The following ARHGAP15 variants were observed in gnomAD, a reference collection of about 807,000 sequenced individuals.
The protein encoded by ARHGAP15 is Rho GTPase activating protein 15.
In ARHGAP15, 51 loss-of-function variants were observed where a neutral mutation model predicts 63.7. The ratio of observed to expected loss-of-function variants is 0.80; its 90% CI spans 0.64 to 1.01. The LOEUF (loss-of-function observed/expected upper bound fraction) is 1.01, where lower values mean the gene tolerates loss of function less well. ARHGAP15 is among the 50% of genes least tolerant of loss of function. The pLI is 0.00. For synonymous variants in ARHGAP15, 191 were observed against 193.8 expected (o/e 0.99, Z 0.12); for missense variants, 560 against 564.6 (o/e 0.99, Z 0.08).
chr2:143,673,785 A>T (rs759576946), intron 12 of ARHGAP15, among the ~76,000 whole-genome samples: 66 of 19,738 alleles, frequency 3.3e-3, no homozygotes, highest in South Asian at 0.016. Flanking sequence ...TATATATATA[A>T]ACAACTCCTG....
chr2:143,628,592 A>C (rs1698935980), intron 12 of ARHGAP15, among the ~76,000 whole-genome samples: 1 of 152,000 alleles, frequency 6.6e-6, no homozygotes. Flanking sequence ...TTCAGCTTTG[A>C]CCAGACAGGG....
rs570162088 is a variant in ARHGAP15 at position 143,224,163 on chromosome 2, G to C, written c.297-4418G>C. On this transcript the variant is annotated intron_variant, in intron 4 of 13. Coordinates refer to ENST00000295095, the MANE Select transcript of ARHGAP15 (RefSeq NM_018460.4). ...AGCTCAGCGTGGGAAGCCCTCTGGA[G>C]AAAGCTCAGGTATTGGACACTAGAA... Among the ~76,000 whole-genome samples the C allele has an allele frequency of 3.9e-5, 6 of 152,238 alleles. No individual in the cohort carries two copies. The South Asian group carries it at 1.2e-3, about 32-fold the overall frequency.
At chr2:143,543,765 A>G (rs1267092349) in intron 10 of ARHGAP15, among the ~76,000 whole-genome samples, 1 of 152,152 alleles carries the variant, frequency 6.6e-6, no homozygotes, top group Non-Finnish European at 1.5e-5. Flanking sequence ...GGTTTGTATT[A>G]CACTAGTGCT....
intron 9 of ARHGAP15, among the ~76,000 whole-genome samples, chr2:143,488,445 T>C (rs534789970): frequency 6.6e-6 from 1 of 152,224 alleles, no homozygotes. Flanking sequence ...TTGATTCTTT[T>C]TAAAAACAAG....
chr2:143,131,199 C>T (rs1261276813), intron 1 of ARHGAP15, among the ~76,000 whole-genome samples: 1 of 151,980 alleles, frequency 6.6e-6, no homozygotes, highest in Non-Finnish European at 1.5e-5. Context: ...TTAGAAAGAT[C>T]AATGAGTAAA....
intron 11 of ARHGAP15, among the ~76,000 whole-genome samples, chr2:143,582,534 G>A (rs1259029963): frequency 6.6e-6 from 1 of 152,148 alleles, no homozygotes; most frequent in Non-Finnish European, 1.5e-5. Flanking sequence ...GCATGAGGTG[G>A]CAGAGCAAAC....
intron 2 of ARHGAP15, among the ~76,000 whole-genome samples, chr2:143,162,853 A>T (rs2105026111): frequency 6.6e-6 from 1 of 152,134 alleles, no homozygotes; most frequent in South Asian, 2.1e-4. Flanking sequence ...TTACATATTT[A>T]CCAGATGTTA....
intron 6 of ARHGAP15, among the ~76,000 whole-genome samples, chr2:143,430,738 T>C (rs1689348943): frequency 6.6e-6 from 1 of 152,060 alleles, no homozygotes; most frequent in Non-Finnish European, 1.5e-5. Flanking sequence ...TTAACTCAAA[T>C]ATAAAAATTA....
rs550490696 is a variant in ARHGAP15 at position 143,247,881 on chromosome 2, A to G, written c.385-2630A>G. Among the ~76,000 whole-genome samples the G allele has an allele frequency of 6.6e-5, 10 of 152,342 alleles. No individual in the cohort carries two copies. In the East Asian group the frequency reaches 1.9e-3, roughly 29 times the overall value. On this transcript the variant is annotated intron_variant, in intron 5 of 13. Transcript: ENST00000295095. ...AAATACAAATCTTAATTGCTATAAAATTGGGAATTTTAAGACACTAAAGTC... is the reference window on the plus strand; with the variant it reads ...AAATACAAATCTTAATTGCTATAAAGTTGGGAATTTTAAGACACTAAAGTC...
chr2:143,365,410 T>C (rs1686252383), intron 6 of ARHGAP15, among the ~76,000 whole-genome samples: 1 of 152,260 alleles, frequency 6.6e-6, no homozygotes, highest in African/African-American at 2.4e-5. Context: ...TCTAGATTCC[T>C]GATTCAGTTT....
intron 6 of ARHGAP15, among the ~76,000 whole-genome samples, chr2:143,386,670 G>A (rs1687300313): frequency 6.6e-6 from 1 of 152,100 alleles, no homozygotes; most frequent in Non-Finnish European, 1.5e-5. Flanking sequence ...CTTCAAAATG[G>A]CCAGCTTATA....
At chr2:143,330,094 C>CAAAA (rs1303438123) in intron 6 of ARHGAP15, among the ~76,000 whole-genome samples, 2 of 1,686 alleles carry the variant, frequency 1.2e-3, no homozygotes, top group Non-Finnish European at 2.7e-3. Flanking sequence ...GGCTCTGTCT[C>CAAAA]AAAAAAAAAA....
chr2:143,328,026 C>T (rs182015171), intron 6 of ARHGAP15, among the ~76,000 whole-genome samples: 205 of 152,156 alleles, frequency 1.3e-3, no homozygotes, highest in Non-Finnish European at 2.5e-3. Flanking sequence ...TAGAGAAATG[C>T]AAATCAAAAC....
chr2:143,502,687 C>A (rs1693119348), intron 9 of ARHGAP15, among the ~76,000 whole-genome samples: 2 of 151,994 alleles, frequency 1.3e-5, no homozygotes, highest in Admixed American at 1.3e-4. Context: ...TCAAGCAATT[C>A]TCCTGCCTCA....
At chr2:143,709,444 T>C (rs541200759) in intron 13 of ARHGAP15, among the ~76,000 whole-genome samples, 30 of 152,354 alleles carry the variant, frequency 2.0e-4, no homozygotes, top group African/African-American at 6.5e-4. Context: ...ATAAACATTA[T>C]TGTAGGAGAC....
At chr2:143,235,242 G>GT (rs11447778) in intron 5 of ARHGAP15, among the ~76,000 whole-genome samples, 5,990 of 135,860 alleles carry the variant, frequency 0.044, 371 homozygotes, top group African/African-American at 0.14. Flanking sequence ...TAGTAGAGTT[G>GT]TTTTTTTTTT....
At chr2:143,195,119 T>G (rs1218798805) in intron 2 of ARHGAP15, among the ~76,000 whole-genome samples, 1 of 152,176 alleles carries the variant, frequency 6.6e-6, no homozygotes, top group Non-Finnish European at 1.5e-5. Context: ...AATCATTTCC[T>G]TTCATTTTGT....
At chr2:143,494,587 A>G (rs1030417764) in intron 9 of ARHGAP15, among the ~76,000 whole-genome samples, 1 of 152,144 alleles carries the variant, frequency 6.6e-6, no homozygotes, top group Non-Finnish European at 1.5e-5. Flanking sequence ...CTGGTCTTTA[A>G]ATGATCAATT....
At chr2:143,194,965 G>A (rs1691832082) in intron 2 of ARHGAP15, among the ~76,000 whole-genome samples, 1 of 152,136 alleles carries the variant, frequency 6.6e-6, no homozygotes, top group South Asian at 2.1e-4. Context: ...GGAAAATGTG[G>A]TTGAAGCTGA....
Sources: gnomAD v4.1 joint callset for allele counts (sites outside exome capture counted in the v4.1 genomes callset) on GRCh38, gnomAD v4.1.1 for gene constraint, MANE v1.5 for transcripts, NCBI Gene and HGNC (gene_info 2026-07-23, HGNC 2026-07-21) for gene names.